Variants in GAB2 observed in about 807,000 individuals in gnomAD.
GAB2 encodes GRB2 associated binding protein 2.
In GAB2, 26 loss-of-function variants were observed where a neutral mutation model predicts 65.5. The ratio of observed to expected loss-of-function variants is 0.40; its 90% CI spans 0.29 to 0.55. The LOEUF is 0.55. Ranked by LOEUF, GAB2 falls within the 20% of genes least tolerant of loss-of-function variation. The pLI, the probability that GAB2 is intolerant of heterozygous loss-of-function variation, is 0.53. For missense variants in GAB2, 884 were observed against 875.8 expected, an observed-to-expected ratio of 1.01 and a Z score of -0.12; for synonymous variants, 321 against 329.6, an observed-to-expected ratio of 0.97 and a Z score of 0.28.
chr11:78,378,110 A>G (rs1263688479), intron 1 of GAB2, among the ~76,000 whole-genome samples: 1 of 152,160 alleles, frequency 6.6e-6, no homozygotes, highest in Admixed American at 6.5e-5. Flanking sequence ...TATGGCCCCA[A>G]CTGTCAGTAT....
At position 78,226,554 on chromosome 11, in the gene GAB2, G is replaced by T. The variant is rs372231541; in HGVS notation, c.1118C>A (p.Pro373Gln). The T allele has an allele frequency of 1.2e-6, 2 of 1,612,030 alleles. No individual in the cohort carries two copies. Among genetic ancestry groups the T allele is most frequent in the Non-Finnish European group, 1.7e-6 (2 of 1,179,312 alleles). Residue 373 changes from proline to glutamine, a missense_variant, in exon 4 of 10, where the codon CCG becomes CAG. Transcript: ENST00000361507. ...TPRWGSPQQR[P>Q]PISENSRSVA... is the part of the protein sequence containing the mutation. ...AGATCTGCTATTTTCACTGATTGGC[G>T]GTCTCTGCTGAGGACTGCCCCATCG...
chr11:78,317,558 C>CAAAAAA (rs370515492), intron 1 of GAB2, among the ~76,000 whole-genome samples: 129 of 60,718 alleles, frequency 2.1e-3, no homozygotes, highest in Middle Eastern at 9.8e-3. Context: ...GACTCCGTCT[C>CAAAAAA]AAAAAAAAAA....
At chr11:78,385,014 G>C (rs181522461) in intron 1 of GAB2, among the ~76,000 whole-genome samples, 1 of 152,286 alleles carries the variant, frequency 6.6e-6, no homozygotes, top group Admixed American at 6.5e-5. Context: ...ATATCTATGA[G>C]ACTGCCATCT....
At chr11:78,410,095 T>C (rs1472859671) in intron 1 of GAB2, among the ~76,000 whole-genome samples, 2 of 152,122 alleles carry the variant, frequency 1.3e-5, no homozygotes, top group African/African-American at 2.4e-5. Flanking sequence ...AAATTGAAAA[T>C]GCAATTTATC....
At chr11:78,401,505 C>CGT (rs34474918) in intron 1 of GAB2, among the ~76,000 whole-genome samples, 31,660 of 124,694 alleles carry the variant, frequency 0.25, 4,072 homozygotes, top group East Asian at 0.29. Context: ...GAACAGTATT[C>CGT]GTGTGTGTGT....
At chr11:78,228,830 C>T (rs533286463) in intron 3 of GAB2, among the ~76,000 whole-genome samples, 2 of 61,286 alleles carry the variant, frequency 3.3e-5, no homozygotes, top group African/African-American at 6.5e-5. Context: ...GGGAAGAGGA[C>T]GGGGGTGGCG....
At position 78,264,321 on chromosome 11, in the gene GAB2, T is replaced by C. The variant is rs150854851; in HGVS notation, c.377-13921A>G. Among the ~76,000 whole-genome samples, 508 of 152,142 alleles carry C rather than the reference T, an allele frequency of 3.3e-3. 2 individuals are homozygous for C. The highest frequency in any genetic ancestry group is 0.012 in the African/African-American group (484 of 41,498). ...TGTTTTGTTGTTTTATGTACAGAGA[T>C]CTAGGATGGCTTTTGTTAAATTGAT... On this transcript the variant is annotated intron_variant, in intron 2 of 9. Transcript: ENST00000361507.
At chr11:78,327,322 C>T (rs1245946309) in intron 1 of GAB2, among the ~76,000 whole-genome samples, 1 of 152,020 alleles carries the variant, frequency 6.6e-6, no homozygotes, top group African/African-American at 2.4e-5. Flanking sequence ...AATCAATGAA[C>T]AGAACAGGGA....
rs78169654 is a variant in GAB2 at position 78,265,824 on chromosome 11, A to C, written c.376+14777T>G. ...GTTTTTAAAGCTTTCTGTTCTCCCC[A>C]ACAGTGAATTTCTCAAAATGAAAAT... is the stretch of plus-strand genomic sequence containing the variant. On this transcript the variant is annotated intron_variant, in intron 2 of 9. Coordinates refer to ENST00000361507, the MANE Select transcript of GAB2 (RefSeq NM_080491.3). Among the ~76,000 whole-genome samples, 640 of 152,280 alleles carry C rather than the reference A, an allele frequency of 4.2e-3. 29 individuals are homozygous for C. The East Asian group carries it at 0.098, about 23-fold the overall frequency.
chr11:78,417,737 C>T lies in GAB2; in HGVS notation c.-17G>A, dbSNP rs552150258. 1.2e-5 allele frequency: 15 copies of T among 1,254,824 alleles called. No individual in the cohort carries two copies. The East Asian group carries it at 5.3e-4, about 45-fold the overall frequency. 77.7% of individuals were successfully genotyped at this position (1,254,824 alleles called of 1,614,324 possible). On this transcript the variant is annotated 5_prime_UTR_variant, in exon 1 of 10. Transcript: ENST00000361507. ...GCCGCTCATGCTGCCGGCCTGGAGC[C>T]CCCCGCCGGGTCGCGCGGACGAGGG...
chr11:78,257,518 G>C (rs1443894748), intron 2 of GAB2, among the ~76,000 whole-genome samples: 1 of 152,200 alleles, frequency 6.6e-6, no homozygotes, highest in African/African-American at 2.4e-5. Flanking sequence ...GTGAGGAATA[G>C]AGATCATTTT....
intron 2 of GAB2, among the ~76,000 whole-genome samples, chr11:78,277,394 T>C (rs1866201759): frequency 6.6e-6 from 1 of 152,100 alleles, no homozygotes; most frequent in South Asian, 2.1e-4. Context: ...CAGGCAACCA[T>C]CAGGTGAGAG....
At chr11:78,285,517 T>C (rs537025159) in intron 1 of GAB2, among the ~76,000 whole-genome samples, 3 of 152,326 alleles carry the variant, frequency 2.0e-5, no homozygotes, top group East Asian at 1.9e-4. Context: ...CCCAGGCTGG[T>C]GTGCAGTGGC....
chr11:78,279,373 A>G (rs926330616), intron 2 of GAB2, among the ~76,000 whole-genome samples: 1 of 152,224 alleles, frequency 6.6e-6, no homozygotes, highest in Non-Finnish European at 1.5e-5. Context: ...CACAGTTCAC[A>G]TGTCCACGAA....
At chr11:78,341,151 T>G (rs746586880) in intron 1 of GAB2, among the ~76,000 whole-genome samples, 4 of 152,254 alleles carry the variant, frequency 2.6e-5, no homozygotes, top group Non-Finnish European at 5.9e-5. Flanking sequence ...ACTTTATTCT[T>G]GAGTCTATGG....
chr11:78,275,056 G>A (rs749403661), intron 2 of GAB2, among the ~76,000 whole-genome samples: 3 of 152,168 alleles, frequency 2.0e-5, no homozygotes, highest in Non-Finnish European at 2.9e-5. Flanking sequence ...ACATAGCTGC[G>A]ATTATGTCTT....
intron 1 of GAB2, among the ~76,000 whole-genome samples, chr11:78,288,243 G>T (rs1866542762): frequency 6.6e-6 from 1 of 151,634 alleles, no homozygotes; most frequent in Non-Finnish European, 1.5e-5. Flanking sequence ...GCTAGGCATG[G>T]TGGTGGGTAC....
At chr11:78,271,450 C>A (rs2511185) in intron 2 of GAB2, among the ~76,000 whole-genome samples, 39,830 of 152,194 alleles carry the variant, frequency 0.26, 6,156 homozygotes, top group African/African-American at 0.42. Flanking sequence ...CGAGTTCTCT[C>A]TCAAGAGATT....
intron 1 of GAB2, among the ~76,000 whole-genome samples, chr11:78,310,598 G>C (rs1437891343): frequency 2.6e-5 from 4 of 152,176 alleles, no homozygotes; most frequent in African/African-American, 9.6e-5. Context: ...AGAATGTGTG[G>C]TTAAAAATAG....
Sources: gnomAD v4.1 joint callset for allele counts (sites outside exome capture counted in the v4.1 genomes callset) on GRCh38, gnomAD v4.1.1 for gene constraint, MANE v1.5 for transcripts, NCBI Gene and HGNC (gene_info 2026-07-23, HGNC 2026-07-21) for gene names.